Variants in CFAP210 observed in about 807,000 individuals in gnomAD.
CFAP210 encodes the protein cilia and flagella associated protein 210.
the CFAP210 span, among the ~76,000 whole-genome samples, chr2:169,670,461 G>A: frequency 6.6e-6 from 1 of 152,246 alleles, no homozygotes; most frequent in Non-Finnish European, 1.5e-5. Context: ...TTATATTGCT[G>A]AATAACTAAT....
the CFAP210 span, chr2:169,681,064 C>A: frequency 1.9e-6 from 3 of 1,613,868 alleles, no homozygotes; most frequent in East Asian, 4.5e-5. Context: ...GCATTTCTTT[C>A]TTTGCCTTTC....
the CFAP210 span, chr2:169,694,212 C>CG: frequency 6.3e-7 from 1 of 1,586,534 alleles, no homozygotes. Context: ...CACTCCATGC[C>CG]GGGGGTCCAG....
the CFAP210 span, among the ~76,000 whole-genome samples, chr2:169,647,744 A>G: frequency 8.5e-5 from 13 of 152,218 alleles, no homozygotes; most frequent in East Asian, 3.9e-4. Context: ...GATACTATCA[A>G]TGGAGTAAAA....
At chr2:169,665,744 A>C in the CFAP210 span, among the ~76,000 whole-genome samples, 2 of 152,184 alleles carry the variant, frequency 1.3e-5, no homozygotes, top group Non-Finnish European at 1.5e-5. Context: ...GATAACATCA[A>C]GGTTGCAGTG....
chr2:169,679,328 G>A, the CFAP210 span, among the ~76,000 whole-genome samples: 13 of 152,144 alleles, frequency 8.5e-5, no homozygotes, highest in Admixed American at 2.0e-4. Flanking sequence ...TTGTCACCCA[G>A]GTAATCAGCA....
chr2:169,675,061 T>C, the CFAP210 span: 1 of 1,439,638 alleles, frequency 6.9e-7, no homozygotes, highest in East Asian at 2.6e-5. Context: ...ACAAACACAA[T>C]TTTTTGTTTT....
chr2:169,649,038 C>G, the CFAP210 span: 1 of 626,128 alleles, frequency 1.6e-6, no homozygotes, highest in Non-Finnish European at 2.6e-6. Context: ...ACAAACCTCA[C>G]ATTTTTAATA....
chr2:169,652,774 T>C, the CFAP210 span, among the ~76,000 whole-genome samples: 2 of 150,318 alleles, frequency 1.3e-5, no homozygotes, highest in Non-Finnish European at 3.0e-5. Flanking sequence ...GGCGGGCGGA[T>C]CACGAGGTCA....
chr2:169,691,402 C>A, the CFAP210 span, among the ~76,000 whole-genome samples: 4 of 152,066 alleles, frequency 2.6e-5, no homozygotes, highest in South Asian at 8.3e-4. Flanking sequence ...AAGTTTGTAT[C>A]TAGTAAATCC....
the CFAP210 span, chr2:169,662,191 A>G: frequency 7.2e-7 from 1 of 1,383,856 alleles, no homozygotes; most frequent in Non-Finnish European, 1.0e-6. Context: ...CATGTACTCC[A>G]TAAACATGTA....
At chr2:169,683,631 G>A in the CFAP210 span, among the ~76,000 whole-genome samples, 6 of 152,244 alleles carry the variant, frequency 3.9e-5, no homozygotes, top group Non-Finnish European at 7.3e-5. Context: ...TCTGGCAGGA[G>A]CTGCTCTCCA....
chr2:169,684,291 C>T, the CFAP210 span, among the ~76,000 whole-genome samples: 1 of 152,176 alleles, frequency 6.6e-6, no homozygotes, highest in East Asian at 1.9e-4. Context: ...GACACATTTT[C>T]CATGGATTAG....
the CFAP210 span, among the ~76,000 whole-genome samples, chr2:169,692,482 C>A: frequency 2.9e-5 from 4 of 136,420 alleles, no homozygotes; most frequent in Non-Finnish European, 3.1e-5. Context: ...ACACACACAC[C>A]ACACAGAGAC....
the CFAP210 span, among the ~76,000 whole-genome samples, chr2:169,650,146 CTG>C: frequency 2.6e-5 from 4 of 152,106 alleles, no homozygotes; most frequent in African/African-American, 9.7e-5. Context: ...TTTTTTGTAA[CTG>C]TCGTGTCATC....
the CFAP210 span, among the ~76,000 whole-genome samples, chr2:169,651,226 GAA>G: frequency 2.1e-4 from 21 of 102,036 alleles, no homozygotes; most frequent in East Asian, 2.9e-3. Context: ...GACTCTGTCT[GAA>G]AAAAAAAAAA....
the CFAP210 span, among the ~76,000 whole-genome samples, chr2:169,653,066 ATG>A: frequency 6.3e-5 from 6 of 95,950 alleles, no homozygotes; most frequent in East Asian, 7.1e-4. Context: ...ATATATATAT[ATG>A]TATGTGTGTA....
chr2:169,648,674 T>C, the CFAP210 span, among the ~76,000 whole-genome samples: 1 of 152,334 alleles, frequency 6.6e-6, no homozygotes, highest in East Asian at 1.9e-4. Context: ...AATTAAGGGA[T>C]GACTATCAAG....
chr2:169,661,055 C>A, the CFAP210 span: 47 of 523,460 alleles, frequency 9.0e-5, no homozygotes, highest in Middle Eastern at 6.8e-4. Context: ...TGTTCTTGCA[C>A]TAGATGCTGG....
the CFAP210 span, chr2:169,645,553 T>A: frequency 3.6e-6 from 1 of 279,554 alleles, no homozygotes; most frequent in Admixed American, 4.8e-5. Context: ...GTAAGAGCAC[T>A]GAAAAATTCT....
Sources: gnomAD v4.1 joint callset for allele counts (sites outside exome capture counted in the v4.1 genomes callset) on GRCh38, gnomAD v4.1.1 for gene constraint, MANE v1.5 for transcripts, NCBI Gene and HGNC (gene_info 2026-07-23, HGNC 2026-07-21) for gene names.